ATG16L2: variants seen among roughly 807,000 people sequenced by gnomAD.
The protein encoded by ATG16L2 is protein Atg16l2.
ATG16L2 carries 77 observed loss-of-function variants against 84.7 expected under a neutral mutation model. The ratio of observed to expected loss-of-function variants is 0.91; its 90% CI spans 0.76 to 1.10. ATG16L2 has a LOEUF of 1.10. Ranked by LOEUF, ATG16L2 falls within the 50% of genes least tolerant of loss-of-function variation. The pLI is 0.00. For missense variants in ATG16L2, 782 were observed against 817.6 expected (o/e 0.96, Z 0.53); for synonymous variants, 361 against 342.8 (o/e 1.05, Z -0.59).
At chr11:72,837,158 C>G (rs1860753193) in intron 5 of ATG16L2, 1 of 151,938 alleles carries the variant, frequency 6.6e-6, no homozygotes, top group African/African-American at 2.4e-5. Flanking sequence ...CTTTTAATTT[C>G]TTTTTTAAAC....
At chr11:72,840,804 G>T in intron 5 of ATG16L2, 2 of 1,144,218 alleles carry the variant, frequency 1.7e-6, no homozygotes, top group Non-Finnish European at 2.6e-6. Context: ...AGGGGCCACG[G>T]GGAAACATTA....
At chr11:72,828,841 C>T (rs865824422) in intron 16 of ATG16L2, 42 bp from the exon 17 acceptor site, 1 of 1,613,866 alleles carries the variant, frequency 6.2e-7, no homozygotes, top group Non-Finnish European at 8.5e-7. Context: ...TGTGCCCTCC[C>T]CTCTGACCCC....
In ATG16L2 at chr11:72,838,731, G is replaced by C. The variant is rs75911233; in HGVS notation, c.*22-3886G>C. On this transcript the variant is annotated intron_variant, in intron 5 of 5. Transcript: ENST00000534905. ...TCATGCAAAGGTGCCTAAAAAACAAGACTGGCCAAACTCCAAGCCTGGCCT... is the reference window on the plus strand; with the variant it reads ...TCATGCAAAGGTGCCTAAAAAACAACACTGGCCAAACTCCAAGCCTGGCCT... 2.4e-3 allele frequency: 3,441 copies of C among 1,424,638 alleles called. 57 individuals carry two copies. In the African/African-American group the frequency reaches 0.044, roughly 18 times the overall value. 88.2% of individuals were successfully genotyped at this position (1,424,638 alleles called of 1,614,324 possible).
chr11:72,827,328 G>C (rs778361922), intron 14 of ATG16L2, 35 bp downstream of exon 14: 9 of 1,536,720 alleles, frequency 5.9e-6, no homozygotes, highest in African/African-American at 4.1e-5. Flanking sequence ...ACTTGGGGAG[G>C]GCTGGGGACA....
intron 3 of ATG16L2, chr11:72,819,996 T>C (rs1022677984): frequency 2.0e-5 from 3 of 152,164 alleles, no homozygotes; most frequent in Non-Finnish European, 4.4e-5. Flanking sequence ...CCACCCACCT[T>C]GGCCTCCCAA....
At chr11:72,842,520 T>G in intron 5 of ATG16L2, 1 of 1,423,292 alleles carries the variant, frequency 7.0e-7, no homozygotes, top group Non-Finnish European at 9.6e-7. Context: ...CCGGTGAGGG[T>G]AAGGCAGAGA....
At chr11:72,833,831 G>C (rs774404517), downstream of ATG16L2, among the ~76,000 whole-genome samples, 3 of 152,006 alleles carry the variant, frequency 2.0e-5, no homozygotes, top group Non-Finnish European at 4.4e-5. Flanking sequence ...GCTGAGGCAG[G>C]AGAATCGCTT....
intron 3 of ATG16L2, chr11:72,818,559 C>G (rs1406921843): frequency 1.3e-5 from 2 of 152,230 alleles, no homozygotes; most frequent in African/African-American, 2.4e-5. Flanking sequence ...ACCATCTCCC[C>G]CAGAATTTGG....
chr11:72,824,316 C>G (rs1860202760), intron 8 of ATG16L2, 194 bp downstream of exon 8: 1 of 651,552 alleles, frequency 1.5e-6, no homozygotes, highest in African/African-American at 1.8e-5. Flanking sequence ...CTTCCAGGTT[C>G]TGTCCTCACA....
intron 5 of ATG16L2, chr11:72,841,677 T>A: frequency 7.7e-7 from 1 of 1,298,444 alleles, no homozygotes. Context: ...GCCTTTTCTC[T>A]AAAGCTAAGC....
chr11:72,843,245 C>A (rs1316192995), exon 6 of ATG16L2: 1 of 1,614,034 alleles, frequency 6.2e-7, no homozygotes, highest in South Asian at 1.1e-5. Context: ...CCAGGGACTG[C>A]AGCATGCTCA....
At chr11:72,814,668 G>GC in intron 1 of ATG16L2, 105 bp downstream of exon 1, 1 of 884,540 alleles carries the variant, frequency 1.1e-6, no homozygotes, top group Non-Finnish European at 1.7e-6. Flanking sequence ...AGTGCGCTGT[G>GC]CCTTATGCCT....
chr11:72,827,063 C>CG (rs1192735262), intron 13 of ATG16L2, 125 bp from the exon 14 acceptor site: 12 of 865,062 alleles, frequency 1.4e-5, no homozygotes, highest in Non-Finnish European at 2.0e-5. Flanking sequence ...TGCTGGGAAG[C>CG]GGAAGACCTG....
At chr11:72,828,555 T>G in intron 15 of ATG16L2, 47 bp downstream of exon 15, 1 of 1,611,928 alleles carries the variant, frequency 6.2e-7, no homozygotes, top group Non-Finnish European at 8.5e-7. Flanking sequence ...CTGGGACAGC[T>G]GAGCCTCTCT....
At chr11:72,841,478 A>C in intron 5 of ATG16L2, 1 of 1,611,062 alleles carries the variant, frequency 6.2e-7, no homozygotes, top group Non-Finnish European at 8.5e-7. Flanking sequence ...GACCGGGGAA[A>C]GTACAGGGAG....
At chr11:72,840,100 G>A (rs535777373) in intron 5 of ATG16L2, among the ~76,000 whole-genome samples, 4 of 152,146 alleles carry the variant, frequency 2.6e-5, no homozygotes, top group East Asian at 3.9e-4. Context: ...CCTCCTAATC[G>A]CTCCCTATAT....
chr11:72,829,040 C>G (rs1294910356), intron 17 of ATG16L2, 56 bp downstream of exon 17: 9 of 1,563,556 alleles, frequency 5.8e-6, no homozygotes, highest in Non-Finnish European at 7.0e-6. Context: ...CAGGCTGATT[C>G]CAGGTTCTGA....
In ATG16L2 at chr11:72,829,628, T is replaced by C. The variant is rs1860560728; in HGVS notation, c.*238T>C. The C allele has an allele frequency of 3.0e-6, 4 of 1,333,318 alleles. No homozygotes were observed. 82.6% of individuals were successfully genotyped at this position (1,333,318 alleles called of 1,614,324 possible). On this transcript the variant is annotated 3_prime_UTR_variant, in exon 18 of 18. Transcript: ENST00000321297. ...TTTCTCCCAAAGTAGAAAAAAATGA[T>C]ATCTGAACTGCGTCTGCCTACCTCT...
intron 1 of ATG16L2, chr11:72,816,373 C>T (rs1859700148): frequency 5.1e-6 from 1 of 194,244 alleles, no homozygotes; most frequent in Admixed American, 5.7e-5. Context: ...TATTTCATCA[C>T]TTTCTGGGGC....
Sources: allele counts gnomAD v4.1 joint callset (sites outside exome capture counted in the v4.1 genomes callset), GRCh38; gene constraint gnomAD v4.1.1; transcripts MANE v1.5; gene names NCBI Gene and HGNC (gene_info 2026-07-23, HGNC 2026-07-21).